CSMD1: variants seen among roughly 807,000 people sequenced by gnomAD.
CSMD1 encodes CUB and Sushi multiple domains 1.
In CSMD1, 213 loss-of-function variants were observed where a neutral mutation model predicts 417.5. The ratio of observed to expected loss-of-function variants is 0.51; its 90% confidence interval spans 0.46 to 0.57. CSMD1 has a LOEUF of 0.57. Ranked by LOEUF, CSMD1 falls within the 20% of genes least tolerant of loss-of-function variation. The probability of loss-of-function intolerance (pLI) is 0.00; values close to 1 mark genes in which losing one functional copy is unlikely to be tolerated. For missense variants in CSMD1, 6,923 were observed against 4,529.7 expected, an observed-to-expected ratio of 1.53 and a Z score of -15.17; for synonymous variants, 2,862 against 1,736.8, an observed-to-expected ratio of 1.65 and a Z score of -16.11.
intron 3 of CSMD1, among the ~76,000 whole-genome samples, chr8:4,048,148 G>C (rs974959494): frequency 2.0e-5 from 3 of 152,162 alleles, no homozygotes; most frequent in African/African-American, 7.2e-5. Context: ...TGAAAAGAAT[G>C]AATGTACGCA....
At chr8:3,849,128 A>G (rs78208008) in intron 5 of CSMD1, among the ~76,000 whole-genome samples, 3,891 of 152,248 alleles carry the variant, frequency 0.026, 71 homozygotes, top group African/African-American at 0.054. Flanking sequence ...CTGAAAGACA[A>G]GGAAGCCTAG....
chr8:4,068,358 G>T (rs967856094), intron 3 of CSMD1, among the ~76,000 whole-genome samples: 1 of 152,138 alleles, frequency 6.6e-6, no homozygotes, highest in Non-Finnish European at 1.5e-5. Context: ...GCAGAGAGGG[G>T]ATCTTATTTG....
At chr8:4,086,698 T>A (rs773934007) in intron 3 of CSMD1, among the ~76,000 whole-genome samples, 1 of 152,238 alleles carries the variant, frequency 6.6e-6, no homozygotes, top group Non-Finnish European at 1.5e-5. Context: ...CTGAACTTCT[T>A]CAGGTACCCA....
intron 38 of CSMD1, among the ~76,000 whole-genome samples, chr8:3,158,905 C>T (rs763275804): frequency 1.2e-4 from 19 of 152,088 alleles, no homozygotes; most frequent in African/African-American, 3.1e-4. Context: ...ATCAAACAAG[C>T]GTTTGCACTA....
intron 37 of CSMD1, among the ~76,000 whole-genome samples, chr8:3,177,114 A>G (rs1056766789): frequency 6.6e-6 from 1 of 152,148 alleles, no homozygotes; most frequent in South Asian, 2.1e-4. Flanking sequence ...CTCCCCCAGA[A>G]GAGACGAGAG....
At chr8:3,399,976 T>G (rs1811939201) in intron 15 of CSMD1, among the ~76,000 whole-genome samples, 1 of 152,208 alleles carries the variant, frequency 6.6e-6, no homozygotes. Context: ...ACTTCCATTG[T>G]GTGCATTTTA....
intron 32 of CSMD1, among the ~76,000 whole-genome samples, chr8:3,200,445 C>G (rs1334630691): frequency 6.6e-6 from 1 of 151,796 alleles, no homozygotes. Context: ...ATCCCAGCCA[C>G]TCAGGAGGCT....
intron 3 of CSMD1, among the ~76,000 whole-genome samples, chr8:4,349,659 A>T (rs1336049281): frequency 1.3e-5 from 2 of 152,204 alleles, no homozygotes; most frequent in African/African-American, 4.8e-5. Flanking sequence ...ATATTTGGCT[A>T]AATGGTAAAT....
chr8:3,825,016 G>A (rs761696661), intron 5 of CSMD1, among the ~76,000 whole-genome samples: 2 of 152,128 alleles, frequency 1.3e-5, no homozygotes, highest in Admixed American at 6.5e-5. Context: ...AATGTGGCAG[G>A]AAATGCTAGC....
At chr8:4,544,356 T>C (rs17416067) in intron 2 of CSMD1, among the ~76,000 whole-genome samples, 2 of 151,942 alleles carry the variant, frequency 1.3e-5, no homozygotes, top group African/African-American at 4.8e-5. Flanking sequence ...CCAGTTGTTA[T>C]TGAATCAAAG....
intron 3 of CSMD1, among the ~76,000 whole-genome samples, chr8:4,212,953 A>G (rs1259195447): frequency 6.6e-6 from 1 of 151,990 alleles, no homozygotes; most frequent in Non-Finnish European, 1.5e-5. Context: ...CCTCATACCC[A>G]CTGAAGACCT....
At chr8:4,106,438 T>C (rs1801572066) in intron 3 of CSMD1, among the ~76,000 whole-genome samples, 1 of 152,166 alleles carries the variant, frequency 6.6e-6, no homozygotes, top group Non-Finnish European at 1.5e-5. Flanking sequence ...CTCTATAGAA[T>C]TTTACACACC....
In CSMD1 at chr8:4,556,504, G is replaced by A. The variant is rs909175282; in HGVS notation, c.302+80838C>T. ...TGAGGAAAGTCTCGAGCAGCACCCC[G>A]AATAATCGAATTATCTCTCAACCTC... On this transcript the variant is annotated intron_variant, in intron 2 of 69. Transcript: ENST00000635120. 9.2e-5 allele frequency among the ~76,000 whole-genome samples: 14 copies of A among 151,936 alleles called. No homozygotes were observed. The East Asian group carries it at 1.4e-3, about 15-fold the overall frequency.
intron 7 of CSMD1, among the ~76,000 whole-genome samples, chr8:3,665,852 G>A (rs758725059): frequency 5.3e-5 from 8 of 152,106 alleles, no homozygotes; most frequent in Non-Finnish European, 7.4e-5. Context: ...CTGCATTTAT[G>A]ACCTCAGTGT....
At chr8:4,499,334 AT>A (rs1802134529) in intron 2 of CSMD1, among the ~76,000 whole-genome samples, 1 of 152,194 alleles carries the variant, frequency 6.6e-6, no homozygotes, top group Admixed American at 6.5e-5. Flanking sequence ...AGATGCCCAT[AT>A]GGGGAAGTGT....
At chr8:4,387,629 A>G (rs1584997038) in intron 3 of CSMD1, among the ~76,000 whole-genome samples, 1 of 146,020 alleles carries the variant, frequency 6.8e-6, no homozygotes, top group Non-Finnish European at 1.5e-5. Context: ...AGAATTTAAT[A>G]TGAAACCATT....
chr8:4,994,343 G>C lies in CSMD1; in HGVS notation c.74C>G (p.Thr25Ser), dbSNP rs372511285. 66 of 1,610,816 alleles carry C rather than the reference G, an allele frequency of 4.1e-5. No individual in the cohort carries two copies. Among genetic ancestry groups the C allele is most frequent in the Non-Finnish European group, 4.7e-5 (56 of 1,179,812 alleles). The change falls in exon 1 of 70, where the codon ACT becomes AGT. Residue 25 changes from threonine (T) to serine (S), a missense_variant. Transcript: ENST00000635120. Reference protein sequence around the residue: ...GLLVLCARLLTAAKGQNCGGL... With the variant: ...GLLVLCARLLSAAKGQNCGGL... The stretch of plus-strand genomic sequence containing the variant: ...CAAGTCCGTCTTACCCTTCGCTGCA[G>C]TGAGGAGCCTCGCGCACAGCACCAG...
chr8:3,925,759 A>C (rs1192870523), intron 5 of CSMD1, among the ~76,000 whole-genome samples: 1 of 152,062 alleles, frequency 6.6e-6, no homozygotes, highest in Non-Finnish European at 1.5e-5. Context: ...GTGGAACTGT[A>C]AGTCCCATTG....
At chr8:3,626,064 T>C (rs573100841) in intron 7 of CSMD1, among the ~76,000 whole-genome samples, 2 of 152,316 alleles carry the variant, frequency 1.3e-5, no homozygotes, top group African/African-American at 4.8e-5. Flanking sequence ...GAACATTTTA[T>C]AAGAGCCTGG....
Sources: allele counts gnomAD v4.1 joint callset (sites outside exome capture counted in the v4.1 genomes callset), GRCh38; gene constraint gnomAD v4.1.1; transcripts MANE v1.5; gene names NCBI Gene and HGNC (gene_info 2026-07-23, HGNC 2026-07-21).